The following DDX10 variants were observed in gnomAD, a reference collection of about 807,000 sequenced individuals.
The protein encoded by DDX10 is probable ATP-dependent RNA helicase DDX10.
Under a neutral mutation model 104.3 loss-of-function variants are expected in DDX10, and 74 were observed. The observed-to-expected ratio is 0.71, with a 90% CI of 0.59 to 0.86. DDX10 has a LOEUF of 0.86. Ranked by LOEUF, DDX10 falls within the 40% of genes least tolerant of loss-of-function variation. The pLI, the probability that DDX10 is intolerant of heterozygous loss-of-function variation, is 0.00. For missense variants in DDX10, 952 were observed against 1,040.0 expected (o/e 0.92, Z 1.16); for synonymous variants, 351 against 353.4 (o/e 0.99, Z 0.08).
At chr11:108,779,809 C>A (rs994133196) in intron 13 of DDX10, among the ~76,000 whole-genome samples, 1 of 152,120 alleles carries the variant, frequency 6.6e-6, no homozygotes, top group Non-Finnish European at 1.5e-5. Context: ...AAAAAAGTTG[C>A]AGAGAGATCC....
intron 13 of DDX10, among the ~76,000 whole-genome samples, chr11:108,809,908 A>G (rs1215327592): frequency 1.3e-5 from 2 of 152,226 alleles, no homozygotes; most frequent in East Asian, 3.8e-4. Flanking sequence ...TTTATACACC[A>G]ATAATGAACT....
chr11:108,837,909 C>T (rs951348596), intron 13 of DDX10, among the ~76,000 whole-genome samples: 9 of 152,088 alleles, frequency 5.9e-5, no homozygotes, highest in African/African-American at 2.2e-4. Flanking sequence ...AGGCGTGAGC[C>T]ACCATGCTCG....
intron 17 of DDX10, chr11:108,919,216 G>A (rs1473932930): frequency 6.6e-6 from 1 of 152,166 alleles, no homozygotes; most frequent in Non-Finnish European, 1.5e-5. Context: ...CTAGGTGGTT[G>A]AACATATGAG....
chr11:108,685,023 C>T (rs1281969503), intron 6 of DDX10, among the ~76,000 whole-genome samples: 1 of 135,174 alleles, frequency 7.4e-6, no homozygotes, highest in Non-Finnish European at 1.6e-5. Flanking sequence ...CTGTTCATGT[C>T]CTTCGCCCAC....
At chr11:108,719,699 A>G (rs2094295896) in intron 11 of DDX10, 98 bp from the exon 12 acceptor site, 2 of 665,224 alleles carry the variant, frequency 3.0e-6, no homozygotes, top group Admixed American at 3.0e-5. Context: ...GTTTTTCAGT[A>G]CTATTGAATT....
rs1189635569 is a variant in DDX10 at position 108,823,652 on chromosome 11, G to T, written c.1966-14794G>T. On this transcript the variant is annotated intron_variant, in intron 13 of 17. Coordinates refer to ENST00000322536, the MANE Select transcript of DDX10 (RefSeq NM_004398.4). Reference sequence around the variant, plus strand: ...ATTCTCTCTCTATGCACATGCATGTGTGTGTTTTTGTTTGCTTGTAAAAAT... The same window carrying T: ...ATTCTCTCTCTATGCACATGCATGTTTGTGTTTTTGTTTGCTTGTAAAAAT... Among the ~76,000 whole-genome samples, 3 of 152,276 alleles carry T rather than the reference G, an allele frequency of 2.0e-5. No individual in the cohort carries two copies. The South Asian group carries it at 6.2e-4, about 32-fold the overall frequency.
intron 16 of DDX10, among the ~76,000 whole-genome samples, chr11:108,855,401 A>G (rs1862851684): frequency 6.6e-6 from 1 of 152,194 alleles, no homozygotes; most frequent in Non-Finnish European, 1.5e-5. Flanking sequence ...ACTTGAGGAA[A>G]TAGATCCTCA....
Position 108,786,388 on chromosome 11 carries a change from T to C in DDX10, c.1966-52058T>C, listed in dbSNP as rs1407114997. Among the ~76,000 whole-genome samples the C allele has an allele frequency of 5.3e-5, 8 of 152,308 alleles. No homozygotes were observed. In the East Asian group the frequency reaches 1.5e-3, roughly 29 times the overall value. ...GGTTCAGTTGTTCAAGTATCGAGTT[T>C]AAGTCCAGAATTTGTTAGTTCTCTG... On this transcript the variant is annotated intron_variant, in intron 13 of 17. Coordinates refer to ENST00000322536, the MANE Select transcript of DDX10 (RefSeq NM_004398.4).
At chr11:108,736,154 CTTTT>C (rs58772238) in intron 13 of DDX10, among the ~76,000 whole-genome samples, 2 of 137,044 alleles carry the variant, frequency 1.5e-5, no homozygotes, top group Non-Finnish European at 3.1e-5. Context: ...TTCCCTAGTT[CTTTT>C]TTTTTTTTTT....
intron 16 of DDX10, among the ~76,000 whole-genome samples, chr11:108,860,259 A>G (rs1591099321): frequency 6.6e-6 from 1 of 152,342 alleles, no homozygotes; most frequent in East Asian, 1.9e-4. Context: ...AAAGTATGTA[A>G]AGGCTATATT....
chr11:108,715,832 C>A, intron 10 of DDX10, 47 bp from the exon 11 acceptor site: 1 of 1,002,466 alleles, frequency 1.0e-6, no homozygotes, highest in South Asian at 1.4e-5. Context: ...TTTTTAGTCT[C>A]CAAATTTGAG....
chr11:108,803,582 GAAAAAA>G (rs34367715), intron 13 of DDX10, among the ~76,000 whole-genome samples: 1 of 22,468 alleles, frequency 4.5e-5, no homozygotes, highest in African/African-American at 1.0e-4. Flanking sequence ...CAACAAGAGC[GAAAAAA>G]AAAAAAAAAA....
At chr11:108,741,425 C>G (rs2094325066) in intron 13 of DDX10, among the ~76,000 whole-genome samples, 1 of 152,026 alleles carries the variant, frequency 6.6e-6, no homozygotes. Flanking sequence ...GTTGATTGTT[C>G]CTATCTGTGG....
intron 10 of DDX10, among the ~76,000 whole-genome samples, chr11:108,709,616 G>T (rs2094281278): frequency 6.6e-6 from 1 of 152,142 alleles, no homozygotes; most frequent in Non-Finnish European, 1.5e-5. Context: ...CATGGGATTT[G>T]TAATGATATT....
intron 17 of DDX10, chr11:108,919,735 A>G (rs945692333): frequency 4.6e-5 from 7 of 152,196 alleles, no homozygotes; most frequent in African/African-American, 1.4e-4. Context: ...GTCCTTCTGC[A>G]TTTGATTTAT....
intron 16 of DDX10, among the ~76,000 whole-genome samples, chr11:108,917,670 C>G (rs1435191479): frequency 6.6e-6 from 1 of 152,136 alleles, no homozygotes; most frequent in Non-Finnish European, 1.5e-5. Flanking sequence ...CTTTCTGAAT[C>G]TTCTTTTATT....
intron 17 of DDX10, among the ~76,000 whole-genome samples, chr11:108,937,630 C>G (rs1864053180): frequency 6.6e-6 from 1 of 152,122 alleles, no homozygotes; most frequent in Non-Finnish European, 1.5e-5. Flanking sequence ...AATAGAATTT[C>G]CCTGTCATCA....
chr11:108,886,355 C>G (rs903940764), intron 16 of DDX10, among the ~76,000 whole-genome samples: 1 of 152,190 alleles, frequency 6.6e-6, no homozygotes, highest in African/African-American at 2.4e-5. Flanking sequence ...AGTACCAGAG[C>G]TAGGGTTCAA....
chr11:108,671,237 C>T (rs748475825), intron 1 of DDX10, among the ~76,000 whole-genome samples: 3 of 152,222 alleles, frequency 2.0e-5, no homozygotes, highest in Admixed American at 6.5e-5. Flanking sequence ...TATCTCTGCT[C>T]ACCACAACCT....
Sources: allele counts gnomAD v4.1 joint callset (sites outside exome capture counted in the v4.1 genomes callset), GRCh38; gene constraint gnomAD v4.1.1; transcripts MANE v1.5; gene names NCBI Gene and HGNC (gene_info 2026-07-23, HGNC 2026-07-21).